Variants in CDH18 observed in about 807,000 individuals in gnomAD.
CDH18 encodes cadherin-18.
A neutral mutation model predicts 67.9 loss-of-function variants in CDH18; 31 were observed. The ratio of observed to expected loss-of-function variants is 0.46; its 90% confidence interval spans 0.34 to 0.62. CDH18 has a LOEUF of 0.62. CDH18 is among the 20% of genes least tolerant of loss of function. The pLI, the probability that CDH18 is intolerant of heterozygous loss-of-function variation, is 0.01. For missense variants in CDH18, 890 were observed against 975.5 expected (o/e 0.91, Z 1.17); for synonymous variants, 362 against 347.2 (o/e 1.04, Z -0.48).
intron 1 of CDH18, among the ~76,000 whole-genome samples, chr5:20,557,951 T>A (rs188248058): frequency 0.011 from 379 of 34,166 alleles, 18 homozygotes; most frequent in Admixed American, 0.028. Flanking sequence ...ATATAACATT[T>A]AATGTTATAG....
intron 4 of CDH18, among the ~76,000 whole-genome samples, chr5:19,726,084 G>A (rs747994580): frequency 1.3e-4 from 20 of 152,194 alleles, no homozygotes; most frequent in Non-Finnish European, 2.6e-4. Context: ...CCACATGAAA[G>A]GAGGAGAGTT....
rs560851911 is a variant in CDH18 at position 20,257,931 on chromosome 5, A to G, written c.-579-2426T>C. Among the ~76,000 whole-genome samples the G allele has an allele frequency of 4.6e-5, 7 of 152,266 alleles. No homozygotes were observed. The East Asian group carries it at 1.2e-3, about 25-fold the overall frequency. On this transcript the variant is annotated intron_variant, in intron 1 of 14. Transcript: ENST00000507958. Reference sequence around the variant, plus strand: ...AATAAAGTACACTCTTAACTGGAGAAGGAATGTGTTAAAATATACACGTAG... The same window carrying G: ...AATAAAGTACACTCTTAACTGGAGAGGGAATGTGTTAAAATATACACGTAG...
intron 2 of CDH18, among the ~76,000 whole-genome samples, chr5:20,053,423 T>G (rs1741617926): frequency 6.6e-6 from 1 of 151,978 alleles, no homozygotes; most frequent in African/African-American, 2.4e-5. Flanking sequence ...GCCATCTAGA[T>G]GATAATCTCT....
chr5:19,911,098 A>G (rs1026984514), intron 2 of CDH18, among the ~76,000 whole-genome samples: 3 of 152,136 alleles, frequency 2.0e-5, no homozygotes, highest in African/African-American at 7.2e-5. Flanking sequence ...TGCCACTGAA[A>G]GAGCAAGGAG....
At chr5:20,496,351 T>C (rs1458649275) in intron 1 of CDH18, among the ~76,000 whole-genome samples, 1 of 152,188 alleles carries the variant, frequency 6.6e-6, no homozygotes, top group Non-Finnish European at 1.5e-5. Flanking sequence ...AATCATATTG[T>C]CTTTTAAACA....
chr5:20,033,990 C>A (rs562426662), intron 2 of CDH18, among the ~76,000 whole-genome samples: 1 of 152,072 alleles, frequency 6.6e-6, no homozygotes, highest in Admixed American at 6.6e-5. Flanking sequence ...ACAAGAATGA[C>A]ACAATTCTCA....
chr5:20,129,940 G>A (rs2126467895), intron 2 of CDH18, among the ~76,000 whole-genome samples: 1 of 151,738 alleles, frequency 6.6e-6, no homozygotes, highest in African/African-American at 2.4e-5. Context: ...GATTGTTTTG[G>A]ATGAATCGGT....
At chr5:20,058,215 T>C (rs774517451) in intron 2 of CDH18, among the ~76,000 whole-genome samples, 2 of 152,162 alleles carry the variant, frequency 1.3e-5, no homozygotes, top group African/African-American at 4.8e-5. Flanking sequence ...ATTAGAACTA[T>C]CTTTAAGCAC....
intron 3 of CDH18, among the ~76,000 whole-genome samples, chr5:19,774,537 T>A (rs1364130573): frequency 6.6e-6 from 1 of 151,216 alleles, no homozygotes; most frequent in African/African-American, 2.4e-5. Context: ...GAAAGGGACC[T>A]CAGTCTGGGC....
intron 1 of CDH18, among the ~76,000 whole-genome samples, chr5:20,484,498 A>G (rs532032198): frequency 6.6e-6 from 1 of 152,204 alleles, no homozygotes; most frequent in East Asian, 1.9e-4. Context: ...TTGCAGCACT[A>G]TTCACCATAG....
chr5:19,759,653 G>A (rs1395482857), intron 3 of CDH18, among the ~76,000 whole-genome samples: 2 of 152,100 alleles, frequency 1.3e-5, no homozygotes, highest in South Asian at 2.1e-4. Context: ...TGGAATCAAC[G>A]TCAGCTCAGA....
intron 2 of CDH18, among the ~76,000 whole-genome samples, chr5:20,115,126 T>G (rs1211145023): frequency 6.6e-6 from 1 of 152,066 alleles, no homozygotes; most frequent in Non-Finnish European, 1.5e-5. Flanking sequence ...CCAATTTGGT[T>G]CTTGGTGAGG....
intron 2 of CDH18, among the ~76,000 whole-genome samples, chr5:19,910,668 A>T (rs1791035635): frequency 6.6e-6 from 1 of 152,114 alleles, no homozygotes; most frequent in Admixed American, 6.6e-5. Context: ...TCAAAATAAA[A>T]AGGTGTCTGA....
chr5:20,113,662 G>T (rs1747661560), intron 2 of CDH18, among the ~76,000 whole-genome samples: 1 of 152,146 alleles, frequency 6.6e-6, no homozygotes, highest in Non-Finnish European at 1.5e-5. Context: ...AAGTAATAAG[G>T]TCAATGAGAA....
chr5:19,521,349 G>A (rs957745249), intron 9 of CDH18, among the ~76,000 whole-genome samples: 21 of 152,156 alleles, frequency 1.4e-4, no homozygotes, highest in Admixed American at 4.6e-4. Flanking sequence ...TGTAACTCTC[G>A]TAGATATCAA....
chr5:19,903,554 T>C lies in CDH18; in HGVS notation c.-256-64312A>G, dbSNP rs1192034899. ...CTGTGTGTGTGTGTATATATATATA[T>C]ATATATATATATTTGTTGAGCCTCA... On this transcript the variant is annotated intron_variant, in intron 2 of 12. Transcript: ENST00000382275. 1.4e-5 allele frequency among the ~76,000 whole-genome samples: 2 copies of C among 146,080 alleles called. 1 individual carries two copies. Among genetic ancestry groups the C allele is most frequent in the Non-Finnish European group, 3.0e-5 (2 of 66,452 alleles).
chr5:20,353,392 T>C (rs1471070611), intron 1 of CDH18, among the ~76,000 whole-genome samples: 1 of 152,220 alleles, frequency 6.6e-6, no homozygotes, highest in African/African-American at 2.4e-5. Flanking sequence ...TATGCACCAC[T>C]TCCTGTGCTT....
intron 1 of CDH18, among the ~76,000 whole-genome samples, chr5:20,256,675 C>T (rs1744256193): frequency 6.6e-6 from 1 of 151,782 alleles, no homozygotes. Context: ...GCTATAAAGA[C>T]AGAAGAAGAT....
At chr5:19,978,649 G>A (rs185391030) in intron 2 of CDH18, among the ~76,000 whole-genome samples, 1 of 152,232 alleles carries the variant, frequency 6.6e-6, no homozygotes, top group Non-Finnish European at 1.5e-5. Flanking sequence ...GGTACTAGGG[G>A]AGAATCCATT....
Sources: gnomAD v4.1 joint callset for allele counts (sites outside exome capture counted in the v4.1 genomes callset) on GRCh38, gnomAD v4.1.1 for gene constraint, MANE v1.5 for transcripts, NCBI Gene and HGNC (gene_info 2026-07-23, HGNC 2026-07-21) for gene names.